HS2ST1: variants seen among roughly 807,000 people sequenced by gnomAD.
HS2ST1 encodes heparan sulfate 2-O-sulfotransferase 1.
A neutral mutation model predicts 42.9 loss-of-function variants in HS2ST1; 18 were observed. The ratio of observed to expected loss-of-function variants is 0.42; its 90% CI spans 0.29 to 0.62. The LOEUF (loss-of-function observed/expected upper bound fraction) is 0.62. HS2ST1 is among the 20% of genes least tolerant of loss of function. The pLI is 0.21. For synonymous variants in HS2ST1, 146 were observed against 152.9 expected (o/e 0.95, Z 0.33); for missense variants, 334 against 433.8 (o/e 0.77, Z 2.04).
intron 4 of HS2ST1, among the ~76,000 whole-genome samples, chr1:87,093,932 C>A (rs1473646394): frequency 1.3e-5 from 2 of 151,764 alleles, no homozygotes; most frequent in Admixed American, 6.6e-5. Flanking sequence ...AGATACTGAT[C>A]CAAACACAGA....
intron 1 of HS2ST1, among the ~76,000 whole-genome samples, chr1:87,057,375 G>C (rs1228440291): frequency 6.6e-6 from 1 of 152,080 alleles, no homozygotes; most frequent in Non-Finnish European, 1.5e-5. Context: ...TGGTGATTAA[G>C]ACACTGTGAT....
chr1:87,019,211 C>T (rs1344205750), intron 1 of HS2ST1, among the ~76,000 whole-genome samples: 1 of 152,192 alleles, frequency 6.6e-6, no homozygotes, highest in Non-Finnish European at 1.5e-5. Context: ...ACTTTGCATA[C>T]ATTTATTAAT....
At chr1:87,042,153 C>G (rs535209048) in intron 1 of HS2ST1, among the ~76,000 whole-genome samples, 1 of 152,138 alleles carries the variant, frequency 6.6e-6, no homozygotes, top group African/African-American at 2.4e-5. Flanking sequence ...GTCCTTTGCC[C>G]ATTTTTTAAT....
intron 1 of HS2ST1, chr1:87,045,817 C>T: frequency 1.3e-6 from 1 of 780,388 alleles, no homozygotes; most frequent in Non-Finnish European, 2.3e-6. Context: ...TCATCCTTAT[C>T]CCATGTGAGC....
At chr1:86,927,168 C>T (rs959563025) in intron 1 of HS2ST1, among the ~76,000 whole-genome samples, 1 of 152,072 alleles carries the variant, frequency 6.6e-6, no homozygotes, top group Non-Finnish European at 1.5e-5. Flanking sequence ...ACCTTTATAC[C>T]AAGCTAAGTA....
intron 2 of HS2ST1, among the ~76,000 whole-genome samples, chr1:87,074,000 CTTG>C (rs1651480107): frequency 6.6e-6 from 1 of 152,174 alleles, no homozygotes; most frequent in African/African-American, 2.4e-5. Flanking sequence ...AAGCAGTGAA[CTTG>C]TTACAGAATT....
chr1:87,053,021 C>A (rs1650873954), intron 1 of HS2ST1, among the ~76,000 whole-genome samples: 2 of 152,116 alleles, frequency 1.3e-5, no homozygotes, highest in Admixed American at 6.5e-5. Context: ...GATGCATGCT[C>A]AGTTTGAGAA....
intron 1 of HS2ST1, among the ~76,000 whole-genome samples, chr1:86,991,937 C>T (rs1342067702): frequency 2.0e-5 from 3 of 152,272 alleles, no homozygotes; most frequent in East Asian, 3.9e-4. Context: ...CCAACCCCAG[C>T]GCCACGGACT....
chr1:87,035,039 G>A (rs1318504617), intron 1 of HS2ST1, among the ~76,000 whole-genome samples: 1 of 152,174 alleles, frequency 6.6e-6, no homozygotes, highest in Non-Finnish European at 1.5e-5. Context: ...GAGATTTTAA[G>A]ATGCTGTGCA....
At chr1:87,039,109 T>C (rs1650457868) in intron 1 of HS2ST1, among the ~76,000 whole-genome samples, 1 of 152,180 alleles carries the variant, frequency 6.6e-6, no homozygotes, top group South Asian at 2.1e-4. Context: ...ATAAAGCACC[T>C]CTCCTTTGGT....
chr1:87,071,056 G>C (rs1375849568), intron 1 of HS2ST1, among the ~76,000 whole-genome samples: 1 of 152,028 alleles, frequency 6.6e-6, no homozygotes, highest in Non-Finnish European at 1.5e-5. Flanking sequence ...CCTTCCCCCA[G>C]AATAAAAGAG....
chr1:86,930,144 C>G (rs1336048605), intron 1 of HS2ST1, among the ~76,000 whole-genome samples: 1 of 151,702 alleles, frequency 6.6e-6, no homozygotes, highest in Non-Finnish European at 1.5e-5. Flanking sequence ...TAGCATTATT[C>G]TTAAGTACAG....
chr1:87,055,024 C>T (rs1338327136), intron 1 of HS2ST1, among the ~76,000 whole-genome samples: 1 of 152,156 alleles, frequency 6.6e-6, no homozygotes, highest in Non-Finnish European at 1.5e-5. Context: ...TCTCTAAAAA[C>T]TCAAACACAT....
At chr1:87,041,348 C>G (rs1365958781) in intron 1 of HS2ST1, among the ~76,000 whole-genome samples, 2 of 151,370 alleles carry the variant, frequency 1.3e-5, no homozygotes, top group African/African-American at 4.8e-5. Context: ...GATCATGCCA[C>G]TGCACTCCAG....
intron 1 of HS2ST1, among the ~76,000 whole-genome samples, chr1:87,041,121 TA>T (rs1421458803): frequency 4.0e-5 from 6 of 151,452 alleles, no homozygotes; most frequent in African/African-American, 1.2e-4. Context: ...GTTTACTTTT[TA>T]AAGGGGAGAA....
In HS2ST1 at chr1:87,103,573, T is replaced by C; in HGVS notation, c.828T>C (p.Thr276=). ...TGCCCCGGTTTTTCAGGGGTGCTAC[T>C]GAACTCTATCGCACAGGTATATAAA... ...AALPRFFRGA[T]ELYRTGKKSH... The change falls in exon 6 of 7, where the codon ACT becomes ACC. Residue 276 remains threonine (T), a synonymous_variant. Transcript: ENST00000370550. 6.2e-7 allele frequency: 1 copy of C among 1,609,088 alleles called. No individual in the cohort carries two copies.
At chr1:86,997,562 T>C (rs1018076642) in intron 1 of HS2ST1, among the ~76,000 whole-genome samples, 3 of 152,216 alleles carry the variant, frequency 2.0e-5, no homozygotes, top group Non-Finnish European at 4.4e-5. Flanking sequence ...CTTTATCTTA[T>C]ATGGAGGAGT....
intron 1 of HS2ST1, among the ~76,000 whole-genome samples, chr1:86,978,048 T>C (rs1316959351): frequency 6.6e-6 from 1 of 152,220 alleles, no homozygotes; most frequent in African/African-American, 2.4e-5. Context: ...ATCTTTTCTA[T>C]GCCTAGATAC....
intron 1 of HS2ST1, among the ~76,000 whole-genome samples, chr1:87,057,782 C>T (rs931657351): frequency 5.3e-5 from 8 of 151,432 alleles, no homozygotes; most frequent in Admixed American, 2.0e-4. Context: ...ACCCGGGAGG[C>T]GGAGCTTGCA....
Sources: gnomAD v4.1 joint callset for allele counts (sites outside exome capture counted in the v4.1 genomes callset) on GRCh38, gnomAD v4.1.1 for gene constraint, MANE v1.5 for transcripts, NCBI Gene and HGNC (gene_info 2026-07-23, HGNC 2026-07-21) for gene names.